The following ARCN1 variants were observed in gnomAD, a reference collection of about 807,000 sequenced individuals.
ARCN1 encodes archain 1 coat protein complex I subunit delta, also known as coatomer subunit delta.
ARCN1 carries 5 observed loss-of-function variants against 60.4 expected under a neutral mutation model. The ratio of observed to expected loss-of-function variants is 0.08; its 90% confidence interval spans 0.04 to 0.17. The LOEUF is 0.17. ARCN1 is among the 10% of genes least tolerant of loss of function. ARCN1 has a pLI of 1.00. For synonymous variants in ARCN1, 224 were observed against 220.0 expected, an observed-to-expected ratio of 1.02 and a Z score of -0.16; for missense variants, 464 against 626.5, an observed-to-expected ratio of 0.74 and a Z score of 2.77.
Position 118,581,461 on chromosome 11 carries a change from C to T in ARCN1, c.219C>T (p.Asn73=). 4 of 1,614,192 alleles carry T rather than the reference C, an allele frequency of 2.5e-6. No individual in the cohort carries two copies. The highest frequency in any genetic ancestry group is 1.1e-5 in the South Asian group (1 of 91,092). The change falls in exon 2 of 10, where the codon AAC becomes AAT. Residue 73 remains asparagine, a synonymous_variant. Transcript: ENST00000264028. ...KLYMVLITTK[N]SNILEDLETL... ...ATATGGTACTGATCACTACCAAAAA[C>T]AGCAACATTTTAGAAGATTTGGAGA... is the stretch of plus-strand genomic sequence containing the variant.
At chr11:118,590,314 A>C (rs1367292979) in intron 5 of ARCN1, 27 bp from the exon 6 acceptor site, 1 of 1,599,006 alleles carries the variant, frequency 6.3e-7, no homozygotes, top group East Asian at 2.2e-5. Flanking sequence ...TACCTTTCTG[A>C]ACAAATGTAT....
Position 118,601,497 on chromosome 11 carries a change from TTCAG to T in ARCN1, c.*788_*791del. 3.2e-6 allele frequency: 2 copies of T among 621,502 alleles called. No individual in the cohort carries two copies. Among genetic ancestry groups the T allele is most frequent in the Admixed American group, 2.7e-5 (1 of 37,142 alleles). The allele number at this position is 621,502 out of a possible 1,614,324, so 38.5% of individuals were successfully genotyped here. A position where few individuals can be genotyped will look rare whatever the true frequency, so the allele number is the denominator to read the frequency against. On this transcript the variant is annotated 3_prime_UTR_variant, in exon 10 of 10. Coordinates refer to ENST00000264028, the MANE Select transcript of ARCN1 (RefSeq NM_001655.5). ...ACCTTTAGGTTTTTCTTTCTATACATTCAGTCAGGCACTGGGATCATCTGTTTAC... is the reference window on the plus strand; with the variant it reads ...ACCTTTAGGTTTTTCTTTCTATACATTCAGGCACTGGGATCATCTGTTTAC...
rs1314894300 is a variant in ARCN1 at position 118,600,939 on chromosome 11, A to G, written c.*225A>G. ...CACAAACATAAAGGGAAAGGCTGCT[A>G]ATTTTCTTTGGCAGATTGTATTGGC... On this transcript the variant is annotated 3_prime_UTR_variant, in exon 10 of 10. Transcript: ENST00000264028. The G allele has an allele frequency of 3.2e-6, 1 of 314,650 alleles. No individual in the cohort carries two copies. Among genetic ancestry groups the G allele is most frequent in the Non-Finnish European group, 5.9e-6 (1 of 170,544 alleles). The allele number at this position is 314,650 out of a possible 1,614,324, so 19.5% of individuals were successfully genotyped here.
At chr11:118,579,522 A>G (rs1288077733) in intron 1 of ARCN1, among the ~76,000 whole-genome samples, 2 of 99,776 alleles carry the variant, frequency 2.0e-5, no homozygotes, top group South Asian at 5.3e-4. Context: ...CTAGAAATAC[A>G]AAAAAAAAAA....
chr11:118,573,966 G>GTAAGTTAAA (rs1220097894), intron 1 of ARCN1, among the ~76,000 whole-genome samples: 3 of 152,038 alleles, frequency 2.0e-5, no homozygotes, highest in African/African-American at 7.3e-5. Context: ...TATTTTAATA[G>GTAAGTTAAA]TAAAGTTAAG....
intron 1 of ARCN1, among the ~76,000 whole-genome samples, chr11:118,574,058 A>T (rs1938423810): frequency 6.6e-6 from 1 of 152,212 alleles, no homozygotes; most frequent in African/African-American, 2.4e-5. Flanking sequence ...TAGTATTTTT[A>T]ATTCATTGAT....
At chr11:118,576,979 G>C (rs1938530809) in intron 1 of ARCN1, among the ~76,000 whole-genome samples, 1 of 152,168 alleles carries the variant, frequency 6.6e-6, no homozygotes, top group African/African-American at 2.4e-5. Flanking sequence ...GAGGTTGGGA[G>C]TTTGAGACCA....
chr11:118,590,201 G>A, intron 5 of ARCN1, 140 bp from the exon 6 acceptor site: 1 of 545,736 alleles, frequency 1.8e-6, no homozygotes, highest in Non-Finnish European at 3.2e-6. Flanking sequence ...CTCCATGTTG[G>A]TCAGGCTGGT....
chr11:118,577,618 G>T (rs181285139), intron 1 of ARCN1, among the ~76,000 whole-genome samples: 153 of 152,128 alleles, frequency 1.0e-3, no homozygotes, highest in African/African-American at 3.5e-3. Flanking sequence ...GAATTTCCAC[G>T]CACTTTATCG....
Position 118,601,878 on chromosome 11 carries a change from G to A in ARCN1, c.*1164G>A, listed in dbSNP as rs1939155617. ...TCCACATGTAATCATGTCTGCTGCT[G>A]TTGCTACCCAAATTTTCATTTCTCC... On this transcript the variant is annotated 3_prime_UTR_variant, in exon 10 of 10. Transcript: ENST00000264028. The A allele has an allele frequency of 3.4e-6, 2 of 595,846 alleles. No individual in the cohort carries two copies. Among genetic ancestry groups the A allele is most frequent in the Admixed American group, 3.0e-5 (1 of 33,526 alleles). The allele number at this position is 595,846 out of a possible 1,614,324, so 36.9% of individuals were successfully genotyped here. A position where few individuals can be genotyped will look rare whatever the true frequency, so the allele number is the denominator to read the frequency against.
At chr11:118,581,646 C>A in intron 2 of ARCN1, 137 bp downstream of exon 2, 1 of 799,936 alleles carries the variant, frequency 1.3e-6, no homozygotes, top group Admixed American at 2.8e-5. Flanking sequence ...TGCTGCAGCA[C>A]CTTGTTTATT....
In ARCN1 at chr11:118,600,784, G is replaced by GT; in HGVS notation, c.*75dup. On this transcript the variant is annotated 3_prime_UTR_variant, in exon 10 of 10. Transcript: ENST00000264028. ...AGAAGACGCCAATGATGGCTGAAGA[G>GT]TTTTTCCCAGATTTACAAGCCACTG... The GT allele has an allele frequency of 1.8e-6, 2 of 1,123,708 alleles. No homozygotes were observed. Among genetic ancestry groups the GT allele is most frequent in the Non-Finnish European group, 2.6e-6 (2 of 776,016 alleles). 69.6% of individuals were successfully genotyped at this position (1,123,708 alleles called of 1,614,324 possible). A position where few individuals can be genotyped will look rare whatever the true frequency, so the allele number is the denominator to read the frequency against.
intron 1 of ARCN1, among the ~76,000 whole-genome samples, chr11:118,574,857 C>G (rs1407288341): frequency 1.3e-5 from 2 of 152,074 alleles, no homozygotes; most frequent in Non-Finnish European, 2.9e-5. Flanking sequence ...GCCTAGAACT[C>G]CTAGCCTCAA....
At chr11:118,581,759 C>T (rs932227959) in intron 2 of ARCN1, among the ~76,000 whole-genome samples, 7 of 152,038 alleles carry the variant, frequency 4.6e-5, no homozygotes, top group African/African-American at 9.7e-5. Flanking sequence ...TCTAATCTGC[C>T]GTTCTAGTTC....
chr11:118,581,937 G>GACACACACACACACACACACAC (rs34532442), intron 2 of ARCN1, among the ~76,000 whole-genome samples: 8 of 140,810 alleles, frequency 5.7e-5, no homozygotes, highest in African/African-American at 1.8e-4. Context: ...CAGACAGACA[G>GACACACACACACACACACACAC]ACACACACAC....
intron 5 of ARCN1, among the ~76,000 whole-genome samples, chr11:118,584,986 C>A (rs146865989): frequency 1.9e-4 from 29 of 151,876 alleles, no homozygotes; most frequent in African/African-American, 5.8e-4. Context: ...CCCCTACGCC[C>A]GGCTAATTTT....
intron 8 of ARCN1, among the ~76,000 whole-genome samples, chr11:118,594,606 AT>A (rs1280538134): frequency 1.8e-4 from 27 of 151,448 alleles, no homozygotes; most frequent in Admixed American, 1.8e-3. Flanking sequence ...CTGGAGTGCA[AT>A]GATGTGATCT....
intron 2 of ARCN1, among the ~76,000 whole-genome samples, chr11:118,582,380 T>C (rs1415991594): frequency 6.6e-6 from 1 of 152,000 alleles, no homozygotes; most frequent in African/African-American, 2.4e-5. Flanking sequence ...TCTGCCTATC[T>C]TGGCGTCCCG....
At chr11:118,597,989 G>A in intron 9 of ARCN1, 78 bp downstream of exon 9, 1 of 1,429,988 alleles carries the variant, frequency 7.0e-7, no homozygotes, top group South Asian at 1.2e-5. Context: ...CAGACAGGTA[G>A]CATGGCTTTT....
Sources: allele counts gnomAD v4.1 joint callset (sites outside exome capture counted in the v4.1 genomes callset), GRCh38; gene constraint gnomAD v4.1.1; transcripts MANE v1.5; gene names NCBI Gene and HGNC (gene_info 2026-07-23, HGNC 2026-07-21).